Variants in GPR62 observed in about 807,000 individuals in gnomAD.
GPR62 encodes the protein G protein-coupled receptor 62, also known as G-protein coupled receptor GPCR8.
For missense variants in GPR62, 513 were observed against 541.5 expected (o/e 0.95, Z 0.52); for synonymous variants, 280 against 286.9 (o/e 0.98, Z 0.24).
In GPR62 at chr3:51,955,883, G is replaced by A. The variant is rs972484933; in HGVS notation, c.231G>A (p.Gly77=). 6.6e-6 allele frequency: 9 copies of A among 1,358,808 alleles called. No individual in the cohort carries two copies. Among genetic ancestry groups the A allele is most frequent in the Non-Finnish European group, 6.6e-6 (7 of 1,065,362 alleles). 84.2% of individuals were successfully genotyped at this position (1,358,808 alleles called of 1,614,324 possible). A position where few individuals can be genotyped will look rare whatever the true frequency, so the allele number is the denominator to read the frequency against. ...PLGLLAAPPP[G]LGRVRLGPAP... Reference sequence around the variant, plus strand: ...GCCTGCTGGCCGCACCGCCGCCCGGGCTGGGCCGCGTGCGCCTGGGCCCCG... The same window carrying A: ...GCCTGCTGGCCGCACCGCCGCCCGGACTGGGCCGCGTGCGCCTGGGCCCCG... Residue 77 remains glycine (G), a synonymous_variant, in exon 1 of 1, where the codon GGG becomes GGA. Transcript: ENST00000322241.
rs1699845425 is a variant in GPR62 at position 51,956,358 on chromosome 3, G to T, written c.706G>T (p.Gly236Trp). The change falls in exon 1 of 1, where the codon GGG (glycine) becomes TGG (tryptophan). Residue 236 changes from glycine to tryptophan, a missense_variant. Coordinates refer to ENST00000322241, the MANE Select transcript of GPR62 (RefSeq NM_080865.4). ...GCCGCCGCTCCGGCCTCGCCTGCCC[G>T]GGGGCAAGGCGGCCCTGGCCCCAGC... Reference protein sequence around the residue: ...ILPPLRPRLPGGKAALAPALA... With the variant: ...ILPPLRPRLPWGKAALAPALA... The T allele has an allele frequency of 6.5e-7, 1 of 1,544,182 alleles. No homozygotes were observed. Among genetic ancestry groups the T allele is most frequent in the Non-Finnish European group, 8.7e-7 (1 of 1,154,486 alleles).
At position 51,955,660 on chromosome 3, in the gene GPR62, A is replaced by G; in HGVS notation, c.8A>G (p.Asn3Ser). Residue 3 changes from asparagine to serine, a missense_variant, in exon 1 of 1, where the codon AAC (asparagine) becomes AGC (serine). By Grantham distance (46) the Asn-to-Ser change is conservative (BLOSUM62 1). Transcript: ENST00000322241. ...TGAAGCCTGAGAGCCCAAATGGCCA[A>G]CTCCACAGGGCTGAACGCCTCAGAA... is the stretch of plus-strand genomic sequence containing the variant. MANSTGLNASEVA... is the reference protein window; with the variant it reads MASSTGLNASEVA... 1 of 1,593,506 alleles carries G rather than the reference A, an allele frequency of 6.3e-7. No homozygotes were observed. The highest frequency in any genetic ancestry group is 8.6e-7 in the Non-Finnish European group (1 of 1,169,050).
rs1699876036 is a variant in GPR62, at chr3:51,957,440, C to G, written c.*681C>G. 1 of 167,218 alleles carries G rather than the reference C, an allele frequency of 6.0e-6. No homozygotes were observed. Among genetic ancestry groups the G allele is most frequent in the South Asian group, 2.1e-4 (1 of 4,834 alleles). The allele number at this position is 167,218 out of a possible 1,614,324, so 10.4% of individuals were successfully genotyped here. A position where few individuals can be genotyped will look rare whatever the true frequency, so the allele number is the denominator to read the frequency against. The stretch of plus-strand genomic sequence containing the variant: ...CTGGAGGTTTTGCTGCCCACAACAC[C>G]AGTATTTCACAACTTCCTGGTCGCT... On this transcript the variant is annotated 3_prime_UTR_variant, in exon 1 of 1. Transcript: ENST00000322241.
Position 51,956,803 on chromosome 3 carries a change from C to A in GPR62, c.*44C>A. On this transcript the variant is annotated 3_prime_UTR_variant, in exon 1 of 1. Coordinates refer to ENST00000322241, the MANE Select transcript of GPR62 (RefSeq NM_080865.4). ...GTTTCCGTGGGGGCTCATCCAACCC[C>A]TGCACAGGTCACAGCAGGTGCCCTG... is the stretch of plus-strand genomic sequence containing the variant. 6.5e-7 allele frequency: 1 copy of A among 1,536,664 alleles called. No homozygotes were observed.
chr3:51,956,067 G>A lies in GPR62; in HGVS notation c.415G>A (p.Ala139Thr), dbSNP rs942595263. 2.1e-6 allele frequency: 3 copies of A among 1,418,340 alleles called. No homozygotes were observed. Among genetic ancestry groups the A allele is most frequent in the African/African-American group, 1.5e-5 (1 of 66,242 alleles). 87.9% of individuals were successfully genotyped at this position (1,418,340 alleles called of 1,614,324 possible). The stretch of plus-strand genomic sequence containing the variant: ...GCTCGTGCTCACCGCCGTGTGGGCC[G>A]CGGCGGGACTGCTGGGCGCGCTCTC... ...PVLVLTAVWA[A>T]AGLLGALSLL... The change falls in exon 1 of 1, where the codon GCG (alanine) becomes ACG (threonine). Residue 139 changes from alanine (A) to threonine (T), a missense_variant. Physicochemically the swap from Ala to Thr is moderately conservative, Grantham distance 58 (BLOSUM62 0). Coordinates refer to ENST00000322241, the MANE Select transcript of GPR62 (RefSeq NM_080865.4).
rs1410225644 is a variant in GPR62, at chr3:51,955,849, T to C, written c.197T>C (p.Met66Thr). ...VVDLLAAASI[M>T]PLGLLAAPPP... ...GACCTGCTGGCGGCCGCCTCCATCATGCCGCTGGGCCTGCTGGCCGCACCG... is the reference window on the plus strand; with the variant it reads ...GACCTGCTGGCGGCCGCCTCCATCACGCCGCTGGGCCTGCTGGCCGCACCG... The change falls in exon 1 of 1, where the codon ATG (methionine) becomes ACG (threonine). Residue 66 changes from methionine (M) to threonine (T), a missense_variant. Met to Thr is a moderately conservative substitution (Grantham distance 81). Transcript: ENST00000322241. 1 of 1,504,634 alleles carries C rather than the reference T, an allele frequency of 6.6e-7. No homozygotes were observed. The highest frequency in any genetic ancestry group is 8.8e-7 in the Non-Finnish European group (1 of 1,132,906). 93.2% of individuals were successfully genotyped at this position (1,504,634 alleles called of 1,614,324 possible).
Position 51,956,501 on chromosome 3 carries a change from C to T in GPR62, c.849C>T (p.Phe283=). Residue 283 remains phenylalanine (F), a synonymous_variant, in exon 1 of 1, where the codon TTC becomes TTT. Transcript: ENST00000322241. ...AAVTWVAYSA[F]AAHPFLYGLL... is the part of the protein sequence containing the mutation. ...TCACCTGGGTCGCCTACTCGGCCTT[C>T]GCGGCTCACCCCTTCCTGTACGGGC... The T allele has an allele frequency of 3.1e-6, 5 of 1,591,554 alleles. No homozygotes were observed. The highest frequency in any genetic ancestry group is 2.6e-6 in the Non-Finnish European group (3 of 1,171,530).
chr3:51,957,015 C>G lies in GPR62; in HGVS notation c.*256C>G. On this transcript the variant is annotated 3_prime_UTR_variant, in exon 1 of 1. Transcript: ENST00000322241. ...GCAGCATCTCTAAGGGCCCCTCCAG[C>G]ATAGGTGGTTTGTGAAACTCACAGG... The G allele has an allele frequency of 3.9e-6, 2 of 511,780 alleles. No homozygotes were observed. Among genetic ancestry groups the G allele is most frequent in the Non-Finnish European group, 6.5e-6 (2 of 308,044 alleles). 31.7% of individuals were successfully genotyped at this position (511,780 alleles called of 1,614,324 possible). A position where few individuals can be genotyped will look rare whatever the true frequency, so the allele number is the denominator to read the frequency against.
Position 51,957,013 on chromosome 3 carries a change from A to G in GPR62, c.*254A>G. The stretch of plus-strand genomic sequence containing the variant: ...CTGCAGCATCTCTAAGGGCCCCTCC[A>G]GCATAGGTGGTTTGTGAAACTCACA... On this transcript the variant is annotated 3_prime_UTR_variant, in exon 1 of 1. Transcript: ENST00000322241. 1.9e-6 allele frequency: 1 copy of G among 517,500 alleles called. No homozygotes were observed. The highest frequency in any genetic ancestry group is 3.2e-6 in the Non-Finnish European group (1 of 311,690). The allele number at this position is 517,500 out of a possible 1,614,324, so 32.1% of individuals were successfully genotyped here.
rs980074402 is a variant in GPR62 at position 51,955,392 on chromosome 3, C to T, written c.-261C>T. 1.2e-4 allele frequency: 44 copies of T among 371,532 alleles called. No homozygotes were observed. The East Asian group carries it at 2.0e-3, about 17-fold the overall frequency. The allele number at this position is 371,532 out of a possible 1,614,324, so 23.0% of individuals were successfully genotyped here. On this transcript the variant is annotated 5_prime_UTR_variant, in exon 1 of 1. Coordinates refer to ENST00000322241, the MANE Select transcript of GPR62 (RefSeq NM_080865.4). ...TCAGAGTGACAGCCAGTACCATCTCCGACAGGGGCTGAGTTGCTGGAGCTG... is the reference window on the plus strand; with the variant it reads ...TCAGAGTGACAGCCAGTACCATCTCTGACAGGGGCTGAGTTGCTGGAGCTG...
In GPR62 at chr3:51,956,700, G is replaced by A. The variant is rs937480928; in HGVS notation, c.1048G>A (p.Glu350Lys). 18 of 1,612,572 alleles carry A rather than the reference G, an allele frequency of 1.1e-5. 2 individuals are homozygous for A. Among genetic ancestry groups the A allele is most frequent in the African/African-American group, 1.1e-4 (8 of 75,028 alleles). Reference sequence around the variant, plus strand: ...TTCTGAGGCTCCAGAACAGACCCCCGAGTTGGCAGGAGGGCGGAGCCCCGC... The same window carrying A: ...TTCTGAGGCTCCAGAACAGACCCCCAAGTTGGCAGGAGGGCGGAGCCCCGC... The part of the protein sequence containing the change: ...GPSEAPEQTP[E>K]LAGGRSPAYQ... The change falls in exon 1 of 1, where the codon GAG becomes AAG. Residue 350 changes from glutamate to lysine, a missense_variant. Coordinates refer to ENST00000322241, the MANE Select transcript of GPR62 (RefSeq NM_080865.4).
At position 51,956,870 on chromosome 3, in the gene GPR62, C is replaced by T; in HGVS notation, c.*111C>T. On this transcript the variant is annotated 3_prime_UTR_variant, in exon 1 of 1. Transcript: ENST00000322241. ...GGAACAGGAGGAGAAAGGGTGTCTG[C>T]TGCCTGGTGAGGCCCACGGACTTCT... 14 of 1,454,854 alleles carry T rather than the reference C, an allele frequency of 9.6e-6. No homozygotes were observed. The highest frequency in any genetic ancestry group is 1.3e-5 in the Non-Finnish European group (14 of 1,101,682). 90.1% of individuals were successfully genotyped at this position (1,454,854 alleles called of 1,614,324 possible).
Position 51,956,496 on chromosome 3 carries a change from GC to G in GPR62, c.846del (p.Phe283SerfsTer57), listed in dbSNP as rs1699850592. On this transcript the variant is annotated frameshift_variant, in exon 1 of 1. Transcript: ENST00000322241. LOFTEE classifies it low-confidence loss of function (END_TRUNC). ...GGCTGTCACCTGGGTCGCCTACTCGGCCTTCGCGGCTCACCCCTTCCTGTAC... is the reference window on the plus strand; with the variant it reads ...GGCTGTCACCTGGGTCGCCTACTCGGCTTCGCGGCTCACCCCTTCCTGTAC... ...EAAVTWVAYS[A>X]FAAHPFLYGL... The G allele has an allele frequency of 6.3e-7, 1 of 1,587,558 alleles. No homozygotes were observed. The highest frequency in any genetic ancestry group is 1.3e-5 in the African/African-American group (1 of 74,478).
rs1473446873 is a variant in GPR62 at position 51,955,831 on chromosome 3, T to C, written c.179T>C (p.Leu60Pro). ...YLAHLCVVDL[L>P]AAASIMPLGL... Reference sequence around the variant, plus strand: ...GCGCACCTGTGCGTCGTGGACCTGCTGGCGGCCGCCTCCATCATGCCGCTG... The same window carrying C: ...GCGCACCTGTGCGTCGTGGACCTGCCGGCGGCCGCCTCCATCATGCCGCTG... The change falls in exon 1 of 1, where the codon CTG (leucine) becomes CCG (proline). Residue 60 changes from leucine to proline, a missense_variant. Leu to Pro is a moderately conservative substitution (Grantham distance 98). Transcript: ENST00000322241. 2.0e-6 allele frequency: 3 copies of C among 1,527,148 alleles called. No individual in the cohort carries two copies. The African/African-American group carries it at 4.3e-5, about 22-fold the overall frequency. 94.6% of individuals were successfully genotyped at this position (1,527,148 alleles called of 1,614,324 possible).
In GPR62 at chr3:51,956,343, C is replaced by T. The variant is rs754069689; in HGVS notation, c.691C>T (p.Arg231Trp). The change falls in exon 1 of 1, where the codon CGG (arginine) becomes TGG (tryptophan). Residue 231 changes from arginine (R) to tryptophan (W), a missense_variant. Coordinates refer to ENST00000322241, the MANE Select transcript of GPR62 (RefSeq NM_080865.4). ...CCGCCTTTCCATCTTGCCGCCGCTC[C>T]GGCCTCGCCTGCCCGGGGGCAAGGC... ...DSRLSILPPL[R>W]PRLPGGKAAL... The T allele has an allele frequency of 3.2e-6, 5 of 1,552,562 alleles. No homozygotes were observed. Among genetic ancestry groups the T allele is most frequent in the South Asian group, 2.3e-5 (2 of 85,496 alleles).
rs1382317514 is a variant in GPR62 at position 51,956,557 on chromosome 3, G to A, written c.905G>A (p.Gly302Asp). 6.2e-7 allele frequency: 1 copy of A among 1,609,496 alleles called. No individual in the cohort carries two copies. Among genetic ancestry groups the A allele is most frequent in the Non-Finnish European group, 8.5e-7 (1 of 1,178,810 alleles). Residue 302 changes from glycine (G) to aspartate (D), a missense_variant, in exon 1 of 1, where the codon GGC (glycine) becomes GAC (aspartate). Transcript: ENST00000322241. Reference protein sequence around the residue: ...LLQRPVRLALGRLSRRALPGP... With the variant: ...LLQRPVRLALDRLSRRALPGP... ...CAGCGCCCCGTGCGCTTGGCACTGG[G>A]CCGCCTCTCTCGCCGTGCACTGCCT...
chr3:51,955,628 C>T lies in GPR62; in HGVS notation c.-25C>T. On this transcript the variant is annotated 5_prime_UTR_variant, in exon 1 of 1. Coordinates refer to ENST00000322241, the MANE Select transcript of GPR62 (RefSeq NM_080865.4). ...CTCCATTCTGCCATCTACATCCCAG[C>T]GCAGGGTGAAGCCTGAGAGCCCAAA... 1 of 1,537,616 alleles carries T rather than the reference C, an allele frequency of 6.5e-7. No homozygotes were observed. Among genetic ancestry groups the T allele is most frequent in the Non-Finnish European group, 8.8e-7 (1 of 1,135,074 alleles).
chr3:51,956,951 C>A lies in GPR62; in HGVS notation c.*192C>A. 1.0e-6 allele frequency: 1 copy of A among 969,274 alleles called. No individual in the cohort carries two copies. Among genetic ancestry groups the A allele is most frequent in the Non-Finnish European group, 1.4e-6 (1 of 695,312 alleles). 60.0% of individuals were successfully genotyped at this position (969,274 alleles called of 1,614,324 possible). On this transcript the variant is annotated 3_prime_UTR_variant, in exon 1 of 1. Coordinates refer to ENST00000322241, the MANE Select transcript of GPR62 (RefSeq NM_080865.4). ...ACACTGCATAGCACTGTGCATAGGC[C>A]GACCCTTCCTTAGGCCTCAGCTTTC...
chr3:51,956,410 G>C lies in GPR62; in HGVS notation c.758G>C (p.Cys253Ser). The C allele has an allele frequency of 1.3e-6, 2 of 1,527,440 alleles. No individual in the cohort carries two copies. The highest frequency in any genetic ancestry group is 2.5e-5 in the East Asian group (1 of 40,294). The allele number at this position is 1,527,440 out of a possible 1,614,324, so 94.6% of individuals were successfully genotyped here. The change falls in exon 1 of 1, where the codon TGC becomes TCC. Residue 253 changes from cysteine (C) to serine (S), a missense_variant. Physicochemically the swap from Cys to Ser is moderately radical, Grantham distance 112. Coordinates refer to ENST00000322241, the MANE Select transcript of GPR62 (RefSeq NM_080865.4). The part of the protein sequence containing the change: ...PALAVGQFAA[C>S]WLPYGCACLA... ...CTGGCCGTGGGCCAATTTGCAGCCT[G>C]CTGGCTGCCTTATGGCTGCGCGTGC...
Sources: allele counts gnomAD v4.1 joint callset, GRCh38; gene constraint gnomAD v4.1.1; transcripts MANE v1.5; gene names NCBI Gene and HGNC (gene_info 2026-07-23, HGNC 2026-07-21).